Variants in ANKRD24 observed in about 807,000 individuals in gnomAD.
ANKRD24 encodes the protein ankyrin repeat domain-containing protein 24.
In ANKRD24, 109 loss-of-function variants were observed where a neutral mutation model predicts 127.8. The ratio of observed to expected loss-of-function variants is 0.85; its 90% CI spans 0.73 to 1.00. The LOEUF (loss-of-function observed/expected upper bound fraction) is 1.00. ANKRD24 is among the 50% of genes least tolerant of loss of function. The probability of loss-of-function intolerance (pLI) is 0.00; values close to 1 mark genes in which losing one functional copy is unlikely to be tolerated. For missense variants in ANKRD24, 1,648 were observed against 1,570.2 expected (o/e 1.05, Z -0.84); for synonymous variants, 743 against 671.1 (o/e 1.11, Z -1.66).
At position 4,207,880 on chromosome 19, in the gene ANKRD24, G is replaced by A. The variant is rs747559851; in HGVS notation, c.744G>A (p.Gln248=). The A allele has an allele frequency of 3.2e-6, 5 of 1,560,050 alleles. No individual in the cohort carries two copies. The highest frequency in any genetic ancestry group is 4.3e-6 in the Non-Finnish European group (5 of 1,154,756). ...CGGGCATCACCGATGCGCTGGGGCA[G>A]GACGCGGCTCACTATGGCGCCCTGG... is the stretch of plus-strand genomic sequence containing the variant. ...AQPGITDALG[Q]DAAHYGALAG... is the part of the protein sequence containing the mutation. Residue 248 remains glutamine (Q), a synonymous_variant, in exon 10 of 22, where the codon CAG becomes CAA. Coordinates refer to ENST00000318934, the MANE Select transcript of ANKRD24 (RefSeq NM_001393985.1).
At chr19:4,184,215 G>A (rs778963509) in intron 1 of ANKRD24, among the ~76,000 whole-genome samples, 5 of 152,200 alleles carry the variant, frequency 3.3e-5, no homozygotes, top group Non-Finnish European at 5.9e-5. Flanking sequence ...AGAGTGGAGC[G>A]GCTGGAGCTG....
rs988109201 is a variant in ANKRD24 at position 4,198,438 on chromosome 19, G to T, written c.37-1245G>T. 19 of 597,692 alleles carry T rather than the reference G, an allele frequency of 3.2e-5. No homozygotes were observed. In the African/African-American group the frequency reaches 3.7e-4, roughly 12 times the overall value. 37.0% of individuals were successfully genotyped at this position (597,692 alleles called of 1,614,324 possible). A position where few individuals can be genotyped will look rare whatever the true frequency, so the allele number is the denominator to read the frequency against. ...CCCCGCGGTCCCTCCAGACCCTCTG[G>T]CCGCCGCCTCCTCTTGGAACCCCGT... On this transcript the variant is annotated intron_variant, in intron 2 of 21. Transcript: ENST00000318934. The surrounding 1 kb of genome is among the most constrained non-coding windows in gnomAD (Gnocchi z 6.1).
At chr19:4,223,382 T>C (rs1279662598) in intron 20 of ANKRD24, among the ~76,000 whole-genome samples, 11 of 73,078 alleles carry the variant, frequency 1.5e-4, no homozygotes, top group African/African-American at 6.9e-4. Context: ...CATATATATA[T>C]ATATATATAT....
chr19:4,191,875 G>A (rs559578927), intron 2 of ANKRD24, among the ~76,000 whole-genome samples: 2 of 151,966 alleles, frequency 1.3e-5, no homozygotes, highest in South Asian at 4.2e-4. Flanking sequence ...TCCGCCTCCC[G>A]GGTTCAAGGG....
At chr19:4,215,869 G>A (rs895286631) in intron 15 of ANKRD24, 109 bp from the exon 16 acceptor site, 9 of 803,598 alleles carry the variant, frequency 1.1e-5, no homozygotes, top group African/African-American at 3.5e-5. Context: ...TCTGGTGCTC[G>A]TGGGAGACAT....
chr19:4,193,847 GGAAGGAA>G (rs1568315576), intron 2 of ANKRD24, among the ~76,000 whole-genome samples: 5 of 8,998 alleles, frequency 5.6e-4, no homozygotes, highest in African/African-American at 1.2e-3. Context: ...GAGGGAGGGA[GGAAGGAA>G]GGAAGGAAGG....
Position 4,199,863 on chromosome 19 carries a change from C to A in ANKRD24, c.124-12C>A. 2 of 1,563,346 alleles carry A rather than the reference C, an allele frequency of 1.3e-6. No homozygotes were observed. Among genetic ancestry groups the A allele is most frequent in the Non-Finnish European group, 1.7e-6 (2 of 1,154,686 alleles). On this transcript the variant is annotated splice_polypyrimidine_tract_variant and intron_variant, in intron 3 of 21. Coordinates refer to ENST00000318934, the MANE Select transcript of ANKRD24 (RefSeq NM_001393985.1). The surrounding 1 kb of genome is among the most constrained non-coding windows in gnomAD (Gnocchi z 5.2). ...CAACACTGCCCCACGCACTTCTGGG[C>A]GTGCCCTGCAGAGTCAAGACTGGGG...
Position 4,212,635 on chromosome 19 carries a change from AGAG to A in ANKRD24, c.1138_1140del (p.Glu380del), listed in dbSNP as rs1331808949. The A allele has an allele frequency of 1.3e-6, 2 of 1,551,154 alleles. No homozygotes were observed. Among genetic ancestry groups the A allele is most frequent in the African/African-American group, 1.4e-5 (1 of 73,028 alleles). ...TACAGCAGTTGCTGGTGGAGAGACA[AGAG>A]GAGAAGGAGAGCCTGGGACGGGAGG... On this transcript the variant is annotated inframe_deletion, in exon 15 of 22. Coordinates refer to ENST00000318934, the MANE Select transcript of ANKRD24 (RefSeq NM_001393985.1).
chr19:4,184,935 C>T (rs977554184), intron 1 of ANKRD24, among the ~76,000 whole-genome samples: 2 of 110,824 alleles, frequency 1.8e-5, no homozygotes, highest in African/African-American at 7.0e-5. Flanking sequence ...TGGAAGGATC[C>T]ATGGATGGAC....
chr19:4,186,097 C>T (rs1435296612), intron 1 of ANKRD24, among the ~76,000 whole-genome samples: 1 of 152,180 alleles, frequency 6.6e-6, no homozygotes, highest in Non-Finnish European at 1.5e-5. Context: ...ATTTATGAAG[C>T]CCCTCATGTT....
At chr19:4,196,280 CCT>C (rs1392089289) in intron 2 of ANKRD24, among the ~76,000 whole-genome samples, 1 of 152,174 alleles carries the variant, frequency 6.6e-6, no homozygotes, top group Non-Finnish European at 1.5e-5. Flanking sequence ...AATTCAAGCC[CCT>C]GTCACCTGTC....
Position 4,199,560 on chromosome 19 carries a change from G to A in ANKRD24, c.37-123G>A, listed in dbSNP as rs964945407. 20 of 1,432,702 alleles carry A rather than the reference G, an allele frequency of 1.4e-5. No homozygotes were observed. The highest frequency in any genetic ancestry group is 1.8e-5 in the Non-Finnish European group (20 of 1,097,744). 88.7% of individuals were successfully genotyped at this position (1,432,702 alleles called of 1,614,324 possible). On this transcript the variant is annotated intron_variant, in intron 2 of 21. Transcript: ENST00000318934. This position sits in a 1 kb window ranked among gnomAD's most constrained non-coding sequence, Gnocchi z 5.2. ...GATGCCAGGGGGCTGCTCAGGGGAT[G>A]ATGCTGGTGGTGGGCTTTTGTTGGA...
chr19:4,191,939 G>A (rs1411594261), intron 2 of ANKRD24, among the ~76,000 whole-genome samples: 3 of 130,918 alleles, frequency 2.3e-5, no homozygotes, highest in Non-Finnish European at 3.2e-5. Context: ...CTATCACCAC[G>A]TCTAGCTAAT....
At chr19:4,186,513 G>A (rs1239408597) in intron 2 of ANKRD24, 52 bp downstream of exon 2, 2 of 1,558,154 alleles carry the variant, frequency 1.3e-6, no homozygotes, top group Non-Finnish European at 1.7e-6. Context: ...TCAGCCTTCT[G>A]TCTCCTGGGG....
At chr19:4,214,260 C>T (rs540143255) in intron 15 of ANKRD24, among the ~76,000 whole-genome samples, 17 of 151,730 alleles carry the variant, frequency 1.1e-4, no homozygotes, top group African/African-American at 3.6e-4. Context: ...TTGACTTTCC[C>T]GGCCTCAAGC....
chr19:4,192,402 G>T (rs1968436131), intron 2 of ANKRD24, among the ~76,000 whole-genome samples: 1 of 145,862 alleles, frequency 6.9e-6, no homozygotes. Context: ...TCAGAGGTGA[G>T]GTCTTACCAC....
Position 4,207,822 on chromosome 19 carries a change from C to A in ANKRD24, c.686C>A (p.Thr229Lys). 6.3e-7 allele frequency: 1 copy of A among 1,575,362 alleles called. No homozygotes were observed. Among genetic ancestry groups the A allele is most frequent in the Non-Finnish European group, 8.6e-7 (1 of 1,161,750 alleles). Residue 229 changes from threonine (T) to lysine (K), a missense_variant, in exon 10 of 22, where the codon ACA becomes AAA. Transcript: ENST00000318934. ...MLACEGASPETVEVLLQGGAQ... is the reference protein window; with the variant it reads ...MLACEGASPEKVEVLLQGGAQ... Reference sequence around the variant, plus strand: ...GCCTGTGAGGGGGCCAGCCCCGAAACAGTGGAGGTCCTGCTGCAGGGCGGA... The same window carrying A: ...GCCTGTGAGGGGGCCAGCCCCGAAAAAGTGGAGGTCCTGCTGCAGGGCGGA...
chr19:4,217,625 G>A lies in ANKRD24; in HGVS notation c.2465G>A (p.Arg822Gln), dbSNP rs1599463376. The change falls in exon 18 of 22, where the codon CGG becomes CAG. Residue 822 changes from arginine (R) to glutamine (Q), a missense_variant. By Grantham distance (43) the Arg-to-Gln change is conservative (BLOSUM62 1). Coordinates refer to ENST00000318934, the MANE Select transcript of ANKRD24 (RefSeq NM_001393985.1). ...SACLDEARAS[R>Q]LLAEEEARGL... is the part of the protein sequence containing the mutation. ...TGCCTGGATGAGGCTCGGGCCAGCC[G>A]GCTGCTGGCGGAGGAGGAGGCGCGG... 2.3e-6 allele frequency: 3 copies of A among 1,287,072 alleles called. No homozygotes were observed. The highest frequency in any genetic ancestry group is 1.6e-5 in the African/African-American group (1 of 63,840). The allele number at this position is 1,287,072 out of a possible 1,614,324, so 79.7% of individuals were successfully genotyped here.
Position 4,217,174 on chromosome 19 carries a change from A to G in ANKRD24, c.2014A>G (p.Met672Val), listed in dbSNP as rs573974145. The change falls in exon 18 of 22, where the codon ATG (methionine) becomes GTG (valine). Residue 672 changes from methionine to valine, a missense_variant. By Grantham distance (21) the Met-to-Val change is conservative. Coordinates refer to ENST00000318934, the MANE Select transcript of ANKRD24 (RefSeq NM_001393985.1). ...GCCCCCAGTCACAGGGACCACAAAC[A>G]TGGAGGCCACGGGCTCTAGGGCCAC... ...AEPPVTGTTN[M>V]EATGSRATGM... 61 of 1,612,414 alleles carry G rather than the reference A, an allele frequency of 3.8e-5. No individual in the cohort carries two copies. In the African/African-American group the frequency reaches 6.0e-4, roughly 16 times the overall value.
Sources: allele counts gnomAD v4.1 joint callset (sites outside exome capture counted in the v4.1 genomes callset), GRCh38; gene constraint gnomAD v4.1.1; non-coding constraint Gnocchi (gnomAD v3.1); transcripts MANE v1.5; gene names NCBI Gene and HGNC (gene_info 2026-07-23, HGNC 2026-07-21).